Variants in TRANK1 observed in about 807,000 individuals in gnomAD.
TRANK1 encodes tetratricopeptide repeat and ankyrin repeat containing 1.
Under a neutral mutation model 266.0 loss-of-function variants are expected in TRANK1, and 198 were observed. The observed-to-expected ratio is 0.74, with a 90% CI of 0.66 to 0.84. The LOEUF is 0.84. Ranked by LOEUF, TRANK1 falls within the 40% of genes least tolerant of loss-of-function variation. The pLI, the probability that TRANK1 is intolerant of heterozygous loss-of-function variation, is 0.00. For missense variants in TRANK1, 3,326 were observed against 3,634.6 expected, an observed-to-expected ratio of 0.92 and a Z score of 2.18; for synonymous variants, 1,396 against 1,384.1, an observed-to-expected ratio of 1.01 and a Z score of -0.19.
At chr3:36,847,732 C>T (rs1231642480) in intron 15 of TRANK1, among the ~76,000 whole-genome samples, 1 of 152,164 alleles carries the variant, frequency 6.6e-6, no homozygotes, top group Non-Finnish European at 1.5e-5. Flanking sequence ...CGTTAAGATA[C>T]ATGTGGCAGA....
chr3:36,886,907 T>TTA (rs1186654704), intron 8 of TRANK1, among the ~76,000 whole-genome samples: 4 of 147,992 alleles, frequency 2.7e-5, no homozygotes, highest in Non-Finnish European at 6.0e-5. Flanking sequence ...TTGTTGGATT[T>TTA]TTTTTTTTTT....
At chr3:36,904,964 C>T (rs1416714403) in intron 2 of TRANK1, among the ~76,000 whole-genome samples, 8 of 151,732 alleles carry the variant, frequency 5.3e-5, no homozygotes, top group Non-Finnish European at 1.2e-4. Flanking sequence ...AGGGACTGAA[C>T]TTCCCCCATC....
rs10623771 is a variant in TRANK1, at chr3:36,939,260, TACACAC to T, written c.23+5521_23+5526del. 1.5e-3 allele frequency among the ~76,000 whole-genome samples: 209 copies of T among 139,922 alleles called. 2 individuals are homozygous for T. Among genetic ancestry groups the T allele is most frequent in the Middle Eastern group, 3.7e-3 (1 of 270 alleles). The allele number at this position is 139,922 out of a possible 152,430, so 91.8% of individuals were successfully genotyped here. A position where few individuals can be genotyped will look rare whatever the true frequency, so the allele number is the denominator to read the frequency against. ...AATAGTTCAGATTCCCATTCTAACATACACACACACACACACACACACACACACACA... is the reference window on the plus strand; with the variant it reads ...AATAGTTCAGATTCCCATTCTAACATACACACACACACACACACACACACA... On this transcript the variant is annotated intron_variant, in intron 1 of 23. Coordinates refer to ENST00000645898, the MANE Select transcript of TRANK1 (RefSeq NM_001329998.2).
chr3:36,828,608 C>G (rs1256100992), intron 23 of TRANK1, among the ~76,000 whole-genome samples: 1 of 152,054 alleles, frequency 6.6e-6, no homozygotes, highest in Non-Finnish European at 1.5e-5. Context: ...TGCCAGGGTT[C>G]CAGAGAAAGA....
rs17035654 is a variant in TRANK1, at chr3:36,831,096, C to T, written c.8487G>A (p.Arg2829=). Reference sequence around the variant, plus strand: ...AGTATTTCTGGTAGGCCACTTGCTGCCTCTGGTGGTGTTCTAGATGGATAT... The same window carrying T: ...AGTATTTCTGGTAGGCCACTTGCTGTCTCTGGTGGTGTTCTAGATGGATAT... ...EQHIHLEHHQ[R]QQVAYQKYSE... The change falls in exon 22 of 24, where the codon AGG becomes AGA. Residue 2829 remains arginine (R), a synonymous_variant. Transcript: ENST00000645898. The surrounding 1 kb of genome is among the most constrained non-coding windows in gnomAD (Gnocchi z 5.0). 21,166 of 1,613,906 alleles carry T rather than the reference C, an allele frequency of 0.013. 2,059 individuals are homozygous for T. In the African/African-American group the frequency reaches 0.23, roughly 17 times the overall value.
intron 1 of TRANK1, among the ~76,000 whole-genome samples, chr3:36,926,362 A>T: frequency 6.6e-6 from 1 of 152,236 alleles, no homozygotes. Flanking sequence ...GCACTTGAGG[A>T]TGACATTACA....
In TRANK1 at chr3:36,902,276, T is replaced by C. The variant is rs200300284; in HGVS notation, c.282+873A>G. ...TTTAAGAGTCAGTGTCTACTTATTATGTAAAATATCCAAATCCCTCTCTTA... is the reference window on the plus strand; with the variant it reads ...TTTAAGAGTCAGTGTCTACTTATTACGTAAAATATCCAAATCCCTCTCTTA... On this transcript the variant is annotated intron_variant, in intron 3 of 23. Transcript: ENST00000645898. Among the ~76,000 whole-genome samples the C allele has an allele frequency of 3.4e-4, 52 of 152,360 alleles. No homozygotes were observed. In the East Asian group the frequency reaches 9.6e-3, roughly 28 times the overall value.
intron 1 of TRANK1, among the ~76,000 whole-genome samples, chr3:36,918,882 T>C (rs1008999931): frequency 1.3e-5 from 2 of 152,166 alleles, no homozygotes; most frequent in African/African-American, 4.8e-5. Flanking sequence ...AAGATACTAA[T>C]TACTTACAGA....
intron 1 of TRANK1, among the ~76,000 whole-genome samples, chr3:36,915,243 G>T (rs9818444): frequency 6.6e-6 from 1 of 152,124 alleles, no homozygotes; most frequent in East Asian, 1.9e-4. Flanking sequence ...GAGCCACCGC[G>T]CCAGGCCTAC....
intron 20 of TRANK1, among the ~76,000 whole-genome samples, chr3:36,837,070 C>T (rs1021328045): frequency 2.0e-5 from 3 of 152,220 alleles, no homozygotes; most frequent in Admixed American, 1.3e-4. Flanking sequence ...CCCAAACTGA[C>T]TAGCAAGGTT....
chr3:36,828,212 G>T lies in TRANK1; in HGVS notation c.*63C>A. On this transcript the variant is annotated 3_prime_UTR_variant, in exon 24 of 24. Coordinates refer to ENST00000645898, the MANE Select transcript of TRANK1 (RefSeq NM_001329998.2). ...CATTCTTTTTGTCTTCTGCCCCAGC[G>T]CTCAGAATTCTAAGTCAGAATGGAA... 3 of 1,243,544 alleles carry T rather than the reference G, an allele frequency of 2.4e-6. No individual in the cohort carries two copies. The highest frequency in any genetic ancestry group is 2.3e-6 in the Non-Finnish European group (2 of 862,332). The allele number at this position is 1,243,544 out of a possible 1,614,324, so 77.0% of individuals were successfully genotyped here. A position where few individuals can be genotyped will look rare whatever the true frequency, so the allele number is the denominator to read the frequency against.
intron 1 of TRANK1, among the ~76,000 whole-genome samples, chr3:36,942,693 A>G (rs139580752): frequency 1.3e-5 from 2 of 151,912 alleles, no homozygotes; most frequent in African/African-American, 2.4e-5. Flanking sequence ...CTATCACTCA[A>G]GTATGAATTT....
At chr3:36,860,802 T>A in intron 11 of TRANK1, 104 bp downstream of exon 11, 3 of 1,464,292 alleles carry the variant, frequency 2.0e-6, no homozygotes, top group Non-Finnish European at 2.7e-6. Context: ...GAGGGTGAAC[T>A]TCATGGTGCC....
chr3:36,884,858 G>T (rs535678548), intron 8 of TRANK1, among the ~76,000 whole-genome samples: 1 of 151,534 alleles, frequency 6.6e-6, no homozygotes, highest in Non-Finnish European at 1.5e-5. Flanking sequence ...GCTTGAACCC[G>T]GGAGGCGGAG....
chr3:36,891,486 C>T (rs904913919), intron 7 of TRANK1, among the ~76,000 whole-genome samples: 18 of 152,212 alleles, frequency 1.2e-4, no homozygotes, highest in African/African-American at 4.1e-4. Context: ...ATACAGCCTA[C>T]AAGAGGTAGA....
At chr3:36,942,537 A>C (rs777070587) in intron 1 of TRANK1, among the ~76,000 whole-genome samples, 4 of 148,870 alleles carry the variant, frequency 2.7e-5, no homozygotes, top group Non-Finnish European at 4.4e-5. Flanking sequence ...CTACCTCCCT[A>C]GCATTTACAC....
rs751361522 is a variant in TRANK1, at chr3:36,828,304, G to C, written c.8881C>G (p.Arg2961Gly). 1.9e-6 allele frequency: 3 copies of C among 1,612,494 alleles called. No individual in the cohort carries two copies. The African/African-American group carries it at 4.0e-5, about 22-fold the overall frequency. ...TATTTTCTCTGCTTTCCACATTTCC[G>C]AGAACGCCTTCTAGGCCGAAGCTCA... ...FGELRPRRRS[R>G]KCGKQRKY is the part of the protein sequence containing the mutation. Residue 2961 changes from arginine to glycine, a missense_variant, in exon 24 of 24, where the codon CGG becomes GGG. Physicochemically the swap from Arg to Gly is moderately radical, Grantham distance 125 (BLOSUM62 -2). Coordinates refer to ENST00000645898, the MANE Select transcript of TRANK1 (RefSeq NM_001329998.2).
chr3:36,864,543 A>T, intron 9 of TRANK1, 63 bp from the exon 10 acceptor site: 1 of 1,425,852 alleles, frequency 7.0e-7, no homozygotes, highest in South Asian at 1.4e-5. Flanking sequence ...AGATTGCAAA[A>T]ATAACCACAA....
At chr3:36,938,268 G>A (rs1036614484) in intron 1 of TRANK1, among the ~76,000 whole-genome samples, 1 of 152,060 alleles carries the variant, frequency 6.6e-6, no homozygotes, top group African/African-American at 2.4e-5. Context: ...ACCCAGGCTG[G>A]AGTGCAGTGG....
Sources: gnomAD v4.1 joint callset for allele counts (sites outside exome capture counted in the v4.1 genomes callset) on GRCh38, gnomAD v4.1.1 for gene constraint, Gnocchi (gnomAD v3.1) non-coding constraint, MANE v1.5 for transcripts, NCBI Gene and HGNC (gene_info 2026-07-23, HGNC 2026-07-21) for gene names.